Variants in CPLANE1 observed in about 807,000 individuals in gnomAD.
CPLANE1 encodes ciliogenesis and planar polarity effector 1.
Under a neutral mutation model 362.5 loss-of-function variants are expected in CPLANE1, and 263 were observed. That is an observed-to-expected ratio of 0.73 (90% CI 0.66 to 0.80). The LOEUF (loss-of-function observed/expected upper bound fraction) is 0.80, where lower values mean the gene tolerates loss of function less well. CPLANE1 is among the 30% of genes least tolerant of loss of function. The probability of loss-of-function intolerance (pLI) is 0.00; values close to 1 mark genes in which losing one functional copy is unlikely to be tolerated. For synonymous variants in CPLANE1, 1,212 were observed against 1,302.6 expected, an observed-to-expected ratio of 0.93 and a Z score of 1.50; for missense variants, 3,461 against 3,793.4, an observed-to-expected ratio of 0.91 and a Z score of 2.30.
At chr5:37,115,099 T>TTA in intron 50 of CPLANE1, 50 bp from the exon 51 acceptor site, 1 of 1,168,394 alleles carries the variant, frequency 8.6e-7, no homozygotes, top group Non-Finnish European at 1.3e-6. Flanking sequence ...TCCATGATTT[T>TTA]TATATATATT....
chr5:37,145,298 C>T (rs1201061434), intron 43 of CPLANE1, among the ~76,000 whole-genome samples: 2 of 152,124 alleles, frequency 1.3e-5, no homozygotes, highest in Middle Eastern at 3.2e-3. Context: ...CAGTGTGAGA[C>T]TCCATCTCAA....
the CPLANE1 span, among the ~76,000 whole-genome samples, chr5:37,097,140 G>C: frequency 6.6e-6 from 1 of 152,116 alleles, no homozygotes; most frequent in African/African-American, 2.4e-5. Context: ...CTTGAGGCCA[G>C]GAGTTCGAGA....
Position 37,243,642 on chromosome 5 carries a change from GCTCT to G in CPLANE1, c.571-527_571-524del, listed in dbSNP as rs992597623. On this transcript the variant is annotated intron_variant, in intron 5 of 52. Transcript: ENST00000651892. ...TCTAGCTTGTTAAATTACCAAACAA[GCTCT>G]CTCTCTATATATAATATATAAAAAA... 2.0e-5 allele frequency among the ~76,000 whole-genome samples: 3 copies of G among 146,604 alleles called. No homozygotes were observed. In the South Asian group the frequency reaches 6.3e-4, roughly 31 times the overall value.
chr5:37,167,203 G>GT lies in CPLANE1; in HGVS notation c.7243dup (p.Thr2415AsnfsTer7), dbSNP rs758322225. On this transcript the variant is annotated frameshift_variant, in exon 35 of 53. Transcript: ENST00000651892. LOFTEE classifies it high-confidence loss of function. Reference sequence around the variant, plus strand: ...GAGGTTTTCAAGTGGGATAAGTTGTGTTTTTTTGCACTACAAGAAAGAAAC... The same window carrying GT: ...GAGGTTTTCAAGTGGGATAAGTTGTGTTTTTTTTGCACTACAAGAAAGAAAC... 2.5e-6 allele frequency: 4 copies of GT among 1,607,774 alleles called. No individual in the cohort carries two copies. The highest frequency in any genetic ancestry group is 1.3e-5 in the African/African-American group (1 of 74,706).
At chr5:37,176,093 C>T (rs914359575) in intron 30 of CPLANE1, 107 bp from the exon 31 acceptor site, 13 of 716,382 alleles carry the variant, frequency 1.8e-5, no homozygotes, top group African/African-American at 7.1e-5. Context: ...ATCCTCTAAT[C>T]TTCTATAATG....
chr5:37,242,891 G>A, intron 6 of CPLANE1, 122 bp downstream of exon 6: 1 of 629,472 alleles, frequency 1.6e-6, no homozygotes. Flanking sequence ...TGTAGTCACA[G>A]GTACTCAGGA....
At chr5:37,223,851 A>C (rs1795871039) in intron 14 of CPLANE1, among the ~76,000 whole-genome samples, 2 of 152,160 alleles carry the variant, frequency 1.3e-5, no homozygotes. Context: ...AGTCTCTCTA[A>C]ATGACAAAAA....
chr5:37,175,952 T>C lies in CPLANE1; in HGVS notation c.5935A>G (p.Thr1979Ala). ...GTATCTACTTGCATTGATTGAGGAG[T>C]GGTATGCCCAGGATGTGAAAAGGCT... ...IEAFSHPGHT[T>A]PQSMQVDTSS... Residue 1979 changes from threonine to alanine, a missense_variant, in exon 31 of 53, where the codon ACT (threonine) becomes GCT (alanine). Coordinates refer to ENST00000651892, the MANE Select transcript of CPLANE1 (RefSeq NM_001384732.1). 6.2e-7 allele frequency: 1 copy of C among 1,613,402 alleles called. No individual in the cohort carries two copies. The highest frequency in any genetic ancestry group is 8.5e-7 in the Non-Finnish European group (1 of 1,179,708).
rs73750949 is a variant in CPLANE1, at chr5:37,182,838, T to A, written c.5343A>T (p.Thr1781=). The change falls in exon 26 of 53, where the codon ACA becomes ACT. Residue 1781 remains threonine, a synonymous_variant. Transcript: ENST00000651892. The part of the protein sequence containing the change: ...YSPVIRVKTS[T]AAILTSLWLL... ...GCCATAATGATGTAAGAATGGCAGC[T>A]GTAGAGGTCTTTACACGAATTACTG... 5.0e-3 allele frequency: 8,044 copies of A among 1,613,574 alleles called. 374 individuals are homozygous for A. The African/African-American group carries it at 0.095, about 19-fold the overall frequency.
chr5:37,096,075 A>C, the CPLANE1 span, among the ~76,000 whole-genome samples: 1 of 152,180 alleles, frequency 6.6e-6, no homozygotes. Context: ...TAGAAAAAAC[A>C]ATTCTAAAAT....
intron 46 of CPLANE1, among the ~76,000 whole-genome samples, chr5:37,135,862 C>T (rs749385690): frequency 6.6e-6 from 1 of 151,828 alleles, no homozygotes; most frequent in Non-Finnish European, 1.5e-5. Context: ...CCCAACAGAT[C>T]TCGTGAAATA....
intron 5 of CPLANE1, among the ~76,000 whole-genome samples, chr5:37,243,505 T>C (rs1738351119): frequency 6.6e-6 from 1 of 151,804 alleles, no homozygotes; most frequent in East Asian, 1.9e-4. Context: ...GATAATAAAA[T>C]GCTGGTCCAC....
Position 37,182,950 on chromosome 5 carries a change from C to T in CPLANE1, c.5231G>A (p.Gly1744Glu). The part of the protein sequence containing the change: ...PLALNTFGSI[G>E]RLLEWMIRWS... The stretch of plus-strand genomic sequence containing the variant: ...CCTTATCATCCATTCCAGCAGTCTT[C>T]CTATACTGCCAAAAGTGTTTAGTGC... Residue 1744 changes from glycine (G) to glutamate (E), a missense_variant, in exon 26 of 53, where the codon GGA (glycine) becomes GAA (glutamate). Physicochemically the swap from Gly to Glu is moderately conservative, Grantham distance 98. Around this residue, in one of 2 missense-constraint regions of CPLANE1, gnomAD observed 3,380 missense variants for 3,666.1 expected, o/e 0.92. Transcript: ENST00000651892. The T allele has an allele frequency of 6.2e-7, 1 of 1,605,808 alleles. No homozygotes were observed. Among genetic ancestry groups the T allele is most frequent in the Non-Finnish European group, 8.5e-7 (1 of 1,176,274 alleles).
intron 29 of CPLANE1, 121 bp downstream of exon 29, chr5:37,179,240 G>A: frequency 6.0e-6 from 4 of 671,522 alleles, no homozygotes; most frequent in South Asian, 4.1e-5. Flanking sequence ...ACAACCCATG[G>A]TGCATTTTTA....
At chr5:37,101,936 C>T (rs1757311475), downstream of CPLANE1, among the ~76,000 whole-genome samples, 1 of 151,830 alleles carries the variant, frequency 6.6e-6, no homozygotes, top group Non-Finnish European at 1.5e-5. Context: ...TCTGTGGGGT[C>T]AGTGGTGATA....
At chr5:37,163,983 C>T (rs149096045) in intron 37 of CPLANE1, among the ~76,000 whole-genome samples, 1 of 152,272 alleles carries the variant, frequency 6.6e-6, no homozygotes, top group East Asian at 1.9e-4. Context: ...CATGGATGTG[C>T]TAGGAGAATG....
intron 19 of CPLANE1, among the ~76,000 whole-genome samples, chr5:37,200,957 G>A (rs1238584852): frequency 3.9e-5 from 6 of 152,114 alleles, no homozygotes; most frequent in Admixed American, 3.9e-4. Context: ...CTGAGTAGCT[G>A]AGACTACAGG....
chr5:37,196,020 A>C (rs767995945), intron 20 of CPLANE1, 24 bp from the exon 21 acceptor site: 1 of 1,576,600 alleles, frequency 6.3e-7, no homozygotes, highest in Non-Finnish European at 8.6e-7. Flanking sequence ...ATAACCGAAC[A>C]TGTTAATTAT....
At chr5:37,122,871 G>C (rs1435639118) in intron 47 of CPLANE1, among the ~76,000 whole-genome samples, 1 of 151,826 alleles carries the variant, frequency 6.6e-6, no homozygotes, top group Non-Finnish European at 1.5e-5. Context: ...ACAGAGCAAG[G>C]CTCCGTTTCA....
Sources: gnomAD v4.1 joint callset for allele counts (sites outside exome capture counted in the v4.1 genomes callset) on GRCh38, gnomAD v4.1.1 for gene constraint, gnomAD v4.1.1 regional missense constraint, MANE v1.5 for transcripts, NCBI Gene and HGNC (gene_info 2026-07-23, HGNC 2026-07-21) for gene names.